Variants in LSAMP observed in about 807,000 individuals in gnomAD.
The protein encoded by LSAMP is limbic system-associated membrane protein.
LSAMP carries 7 observed loss-of-function variants against 38.6 expected under a neutral mutation model. That is an observed-to-expected ratio of 0.18 (90% CI 0.10 to 0.34). LSAMP has a LOEUF of 0.34. Among genes scored for constraint, LSAMP ranks in the 10% least tolerant of loss-of-function variants. The probability of loss-of-function intolerance (pLI) is 1.00; values close to 1 mark genes in which losing one functional copy is unlikely to be tolerated. For synonymous variants in LSAMP, 154 were observed against 166.8 expected, an observed-to-expected ratio of 0.92 and a Z score of 0.59; for missense variants, 313 against 420.0, an observed-to-expected ratio of 0.75 and a Z score of 2.23.
intron 1 of LSAMP, among the ~76,000 whole-genome samples, chr3:116,416,229 G>T (rs1374860513): frequency 6.6e-6 from 1 of 152,106 alleles, no homozygotes; most frequent in Non-Finnish European, 1.5e-5. Flanking sequence ...ATACTTAATT[G>T]CTCTCTCTCC....
chr3:116,019,372 A>G, intron 3 of LSAMP, 143 bp downstream of exon 3: 1 of 996,858 alleles, frequency 1.0e-6, no homozygotes, highest in Non-Finnish European at 1.4e-6. Context: ...TTTTAATAAC[A>G]AGATAGATGC....
intron 1 of LSAMP, among the ~76,000 whole-genome samples, chr3:116,440,432 T>G (rs915452985): frequency 1.3e-5 from 2 of 152,214 alleles, no homozygotes; most frequent in Non-Finnish European, 2.9e-5. Flanking sequence ...CACCTTTGGT[T>G]CTTTCCACAA....
intron 1 of LSAMP, among the ~76,000 whole-genome samples, chr3:116,178,119 G>GT (rs768027077): frequency 1.3e-5 from 2 of 150,812 alleles, no homozygotes; most frequent in Non-Finnish European, 3.0e-5. Context: ...GTGTGTGTGT[G>GT]TACATGTGTG....
At chr3:116,066,835 G>T (rs1707460537) in intron 2 of LSAMP, among the ~76,000 whole-genome samples, 1 of 151,996 alleles carries the variant, frequency 6.6e-6, no homozygotes, top group Non-Finnish European at 1.5e-5. Context: ...AATATTTATT[G>T]TTTATTTATC....
intron 3 of LSAMP, among the ~76,000 whole-genome samples, chr3:115,926,149 A>G (rs1490453671): frequency 6.6e-6 from 1 of 152,204 alleles, no homozygotes; most frequent in Non-Finnish European, 1.5e-5. Context: ...TGCTGCCTCC[A>G]TGATCATAAA....
chr3:116,331,363 T>C (rs1032931689), intron 1 of LSAMP, among the ~76,000 whole-genome samples: 3 of 151,910 alleles, frequency 2.0e-5, no homozygotes, highest in African/African-American at 7.3e-5. Flanking sequence ...GCCAAAAACT[T>C]CTCAATTATT....
intron 1 of LSAMP, among the ~76,000 whole-genome samples, chr3:116,222,720 C>CTTTTTTTTTTTTTTTTTTTTT (rs71141863): frequency 4.0e-5 from 2 of 49,928 alleles, no homozygotes; most frequent in African/African-American, 1.7e-4. Context: ...TCATCCTCTC[C>CTTTTTTTTTTTTTTTTTTTTT]TTTTTTTTTT....
intron 3 of LSAMP, among the ~76,000 whole-genome samples, chr3:115,879,300 C>T (rs1340899146): frequency 6.6e-6 from 1 of 152,074 alleles, no homozygotes; most frequent in Non-Finnish European, 1.5e-5. Flanking sequence ...TTTCAAATTA[C>T]CCAAGCCATT....
At chr3:116,225,528 A>C (rs1186346426) in intron 1 of LSAMP, among the ~76,000 whole-genome samples, 3 of 152,216 alleles carry the variant, frequency 2.0e-5, no homozygotes, top group Non-Finnish European at 4.4e-5. Flanking sequence ...CCCTTCTAGT[A>C]AACGTTATTA....
intron 1 of LSAMP, among the ~76,000 whole-genome samples, chr3:116,100,397 C>T (rs1328574766): frequency 6.6e-6 from 1 of 152,000 alleles, no homozygotes; most frequent in African/African-American, 2.4e-5. Context: ...TTCTTATTTC[C>T]TTCTTTTTCT....
intron 1 of LSAMP, among the ~76,000 whole-genome samples, chr3:116,311,000 G>A (rs536191827): frequency 2.0e-5 from 3 of 150,822 alleles, no homozygotes; most frequent in South Asian, 4.2e-4. Flanking sequence ...ATCATACTAC[G>A]TAGTTTTATA....
chr3:115,923,171 T>G (rs1937421757), intron 3 of LSAMP, among the ~76,000 whole-genome samples: 1 of 152,176 alleles, frequency 6.6e-6, no homozygotes. Flanking sequence ...CAAGGCCAGT[T>G]CTGTTAACAC....
intron 3 of LSAMP, among the ~76,000 whole-genome samples, chr3:115,867,159 T>G (rs2107379234): frequency 6.6e-6 from 1 of 152,152 alleles, no homozygotes; most frequent in East Asian, 1.9e-4. Context: ...CTTTTAAACT[T>G]GTTGAATCCA....
In LSAMP at chr3:116,102,767, T is replaced by TTATCTATCTATC. The variant is rs35080251; in HGVS notation, c.156-16223_156-16212dup. ...TAATCATGTGAGCCATTTTAAAATT[T>TTATCTATCTATC]TATCTATCTATCTATCTATCTGTCT... On this transcript the variant is annotated intron_variant, in intron 1 of 6. Transcript: ENST00000490035. Among the ~76,000 whole-genome samples, 83 of 151,144 alleles carry TTATCTATCTATC rather than the reference T, an allele frequency of 5.5e-4. 1 individual carries two copies. Among genetic ancestry groups the TTATCTATCTATC allele is most frequent in the African/African-American group, 1.7e-3 (71 of 40,708 alleles).
intron 3 of LSAMP, among the ~76,000 whole-genome samples, chr3:115,920,772 C>G (rs748552275): frequency 6.6e-6 from 1 of 151,870 alleles, no homozygotes; most frequent in Non-Finnish European, 1.5e-5. Flanking sequence ...ATGTTCTATC[C>G]ATTATTTTAA....
intron 3 of LSAMP, among the ~76,000 whole-genome samples, chr3:115,973,418 G>A (rs1223753675): frequency 1.3e-5 from 2 of 152,072 alleles, no homozygotes; most frequent in Non-Finnish European, 2.9e-5. Context: ...TTGGGGAGGG[G>A]ATACAAGTCT....
At chr3:115,909,672 T>G (rs142964856) in intron 3 of LSAMP, among the ~76,000 whole-genome samples, 6 of 152,228 alleles carry the variant, frequency 3.9e-5, no homozygotes, top group Non-Finnish European at 7.3e-5. Flanking sequence ...GCCAATATTT[T>G]GAATGTCTTC....
chr3:116,201,186 T>G (rs1242523365), intron 1 of LSAMP, among the ~76,000 whole-genome samples: 1 of 152,184 alleles, frequency 6.6e-6, no homozygotes, highest in Non-Finnish European at 1.5e-5. Context: ...TTCATTTGCA[T>G]GCATTGGCTC....
At chr3:116,110,813 G>A (rs533900150) in intron 1 of LSAMP, among the ~76,000 whole-genome samples, 2 of 152,268 alleles carry the variant, frequency 1.3e-5, no homozygotes, top group East Asian at 3.9e-4. Flanking sequence ...ATGCGCGTCC[G>A]TGTGAAGAGA....
Sources: allele counts gnomAD v4.1 joint callset (sites outside exome capture counted in the v4.1 genomes callset), GRCh38; gene constraint gnomAD v4.1.1; transcripts MANE v1.5; gene names NCBI Gene and HGNC (gene_info 2026-07-23, HGNC 2026-07-21).